RNF157: variants seen among roughly 807,000 people sequenced by gnomAD.
The protein encoded by RNF157 is E3 ubiquitin ligase RNF157.
RNF157 carries 55 observed loss-of-function variants against 88.3 expected under a neutral mutation model. The observed-to-expected ratio is 0.62, with a 90% CI of 0.50 to 0.78. RNF157 has a LOEUF of 0.78. Among genes scored for constraint, RNF157 ranks in the 30% least tolerant of loss-of-function variants. RNF157 has a pLI of 0.00. For missense variants in RNF157, 788 were observed against 860.8 expected (o/e 0.92, Z 1.06); for synonymous variants, 334 against 341.2 (o/e 0.98, Z 0.23).
intron 2 of RNF157, among the ~76,000 whole-genome samples, chr17:76,178,280 G>A (rs868109558): frequency 6.6e-6 from 1 of 152,216 alleles, no homozygotes; most frequent in African/African-American, 2.4e-5. Flanking sequence ...CCAAGCTTCC[G>A]GGTGCCACCA....
At chr17:76,174,073 T>C (rs1431934503) in intron 2 of RNF157, among the ~76,000 whole-genome samples, 1 of 147,366 alleles carries the variant, frequency 6.8e-6, no homozygotes, top group Admixed American at 6.7e-5. Flanking sequence ...GGAGAATTAA[T>C]AATAAAAAAA....
chr17:76,171,843 G>A (rs1290040211), intron 3 of RNF157, among the ~76,000 whole-genome samples: 1 of 152,224 alleles, frequency 6.6e-6, no homozygotes, highest in Non-Finnish European at 1.5e-5. Context: ...CATGACAGCT[G>A]CTTCATCCTA....
chr17:76,239,539 A>AC (rs571680941), intron 1 of RNF157, among the ~76,000 whole-genome samples: 1,371 of 72,138 alleles, frequency 0.019, 22 homozygotes, highest in African/African-American at 0.053. Flanking sequence ...CACCACCACC[A>AC]CCCCCCCCAC....
At chr17:76,184,274 A>G (rs967074809) in intron 2 of RNF157, among the ~76,000 whole-genome samples, 1 of 152,126 alleles carries the variant, frequency 6.6e-6, no homozygotes, top group Admixed American at 6.6e-5. Flanking sequence ...AATAATAATT[A>G]CTATAGAAAC....
chr17:76,238,151 T>C lies in RNF157; in HGVS notation c.88+2002A>G, dbSNP rs1030139066. On this transcript the variant is annotated intron_variant, in intron 1 of 18. Coordinates refer to ENST00000269391, the MANE Select transcript of RNF157 (RefSeq NM_052916.3). ...GGTCATGGCCAAACTCTGTCAACGG[T>C]TCCTTTCAGGACTAATACTGTAATC... Among the ~76,000 whole-genome samples the C allele has an allele frequency of 5.3e-5, 8 of 151,612 alleles. No homozygotes were observed. In the East Asian group the frequency reaches 1.5e-3, roughly 29 times the overall value.
Position 76,157,475 on chromosome 17 carries a change from C to T in RNF157, c.1413+918G>A, listed in dbSNP as rs2068785050. Among the ~76,000 whole-genome samples the T allele has an allele frequency of 6.6e-6, 1 of 152,222 alleles. No homozygotes were observed. Among genetic ancestry groups the T allele is most frequent in the African/African-American group, 2.4e-5 (1 of 41,464 alleles). On this transcript the variant is annotated intron_variant, in intron 13 of 18. Transcript: ENST00000269391. The surrounding 1 kb of genome is among the most constrained non-coding windows in gnomAD (Gnocchi z 5.6). ...ATGGATGTTTCTCTCACCTCTTTCT[C>T]CATGTCTAAAAAACTTCCAGGTTTA... is the stretch of plus-strand genomic sequence containing the variant.
chr17:76,164,713 C>T (rs1329093851), intron 8 of RNF157, 35 bp downstream of exon 8: 8 of 1,385,030 alleles, frequency 5.8e-6, no homozygotes, highest in Non-Finnish European at 8.1e-6. Context: ...AGGAAGGACC[C>T]TAATACTAAC....
chr17:76,182,778 TATATATATATGAGAG>T (rs1169889633), intron 2 of RNF157, among the ~76,000 whole-genome samples: 3 of 139,930 alleles, frequency 2.1e-5, no homozygotes, highest in Non-Finnish European at 1.5e-5. Flanking sequence ...TATATATATA[TATATATATATGAGAG>T]ATATATATAT....
Position 76,240,098 on chromosome 17 carries a change from A to C in RNF157, c.88+55T>G. ...GCCCCCTCAGGCCGTCCCGACCCAG[A>C]CCCCTGCCCCTGCCCCTCTCCCTCC... On this transcript the variant is annotated intron_variant, in intron 1 of 18. Coordinates refer to ENST00000269391, the MANE Select transcript of RNF157 (RefSeq NM_052916.3). The surrounding 1 kb of genome is among the most constrained non-coding windows in gnomAD (Gnocchi z 4.4). The C allele has an allele frequency of 9.0e-7, 1 of 1,109,546 alleles. No homozygotes were observed. Among genetic ancestry groups the C allele is most frequent in the Non-Finnish European group, 1.1e-6 (1 of 872,722 alleles). 68.7% of individuals were successfully genotyped at this position (1,109,546 alleles called of 1,614,324 possible).
At chr17:76,209,090 TATTG>T (rs1325899676) in intron 2 of RNF157, among the ~76,000 whole-genome samples, 3 of 152,034 alleles carry the variant, frequency 2.0e-5, no homozygotes, top group Non-Finnish European at 2.9e-5. Context: ...AAGTGGCATT[TATTG>T]ATTGATTGAT....
In RNF157 at chr17:76,240,326, G is replaced by T; in HGVS notation, c.-86C>A. 1 of 603,334 alleles carries T rather than the reference G, an allele frequency of 1.7e-6. No individual in the cohort carries two copies. Among genetic ancestry groups the T allele is most frequent in the Non-Finnish European group, 2.1e-6 (1 of 483,732 alleles). The allele number at this position is 603,334 out of a possible 1,614,324, so 37.4% of individuals were successfully genotyped here. A position where few individuals can be genotyped will look rare whatever the true frequency, so the allele number is the denominator to read the frequency against. On this transcript the variant is annotated 5_prime_UTR_variant, in exon 1 of 19. Transcript: ENST00000269391. The surrounding 1 kb of genome is among the most constrained non-coding windows in gnomAD (Gnocchi z 4.4). Reference sequence around the variant, plus strand: ...CGCGGCCGCCCGCCCCGCGCCCGGTGCGGGGGCCGACTGCCCGCCGCGGCC... The same window carrying T: ...CGCGGCCGCCCGCCCCGCGCCCGGTTCGGGGGCCGACTGCCCGCCGCGGCC...
chr17:76,212,429 G>A lies in RNF157; in HGVS notation c.142C>T (p.His48Tyr), dbSNP rs758626398. 3.7e-6 allele frequency: 6 copies of A among 1,613,876 alleles called. No individual in the cohort carries two copies. In the Admixed American group the frequency reaches 5.0e-5, roughly 13 times the overall value. Reference protein sequence around the residue: ...IMGGEKFDSTHPEGYLFGENS... With the variant: ...IMGGEKFDSTYPEGYLFGENS... ...TCTCCAAACAGGTAACCTTCAGGAT[G>A]AGTTGAGTCAAACTTCTCTCCTCCC... The change falls in exon 2 of 19, where the codon CAT (histidine) becomes TAT (tyrosine). Residue 48 changes from histidine (H) to tyrosine (Y), a missense_variant. His to Tyr is a moderately conservative substitution (Grantham distance 83). Coordinates refer to ENST00000269391, the MANE Select transcript of RNF157 (RefSeq NM_052916.3).
chr17:76,187,989 C>T (rs980686140), intron 2 of RNF157, among the ~76,000 whole-genome samples: 4 of 152,188 alleles, frequency 2.6e-5, no homozygotes, highest in African/African-American at 9.7e-5. Flanking sequence ...TAAGGTGGCA[C>T]TTGTTCCGTT....
At chr17:76,203,896 T>C (rs1482612394) in intron 2 of RNF157, among the ~76,000 whole-genome samples, 3 of 151,270 alleles carry the variant, frequency 2.0e-5, no homozygotes, top group East Asian at 1.9e-4. Flanking sequence ...GCCTCCTGAG[T>C]AGCTGGGACT....
chr17:76,151,281 G>GAA (rs2068671681), intron 18 of RNF157, among the ~76,000 whole-genome samples: 1 of 152,258 alleles, frequency 6.6e-6, no homozygotes, highest in Admixed American at 6.5e-5. Context: ...AAAGCCCTTT[G>GAA]AAGGGCTGGA....
At chr17:76,170,482 G>A (rs188735445) in intron 3 of RNF157, among the ~76,000 whole-genome samples, 7 of 152,192 alleles carry the variant, frequency 4.6e-5, no homozygotes, top group Non-Finnish European at 1.0e-4. Context: ...GCTGTGCCTG[G>A]GTCTCTCTTG....
chr17:76,212,602 C>T, intron 1 of RNF157, 120 bp from the exon 2 acceptor site: 1 of 633,486 alleles, frequency 1.6e-6, no homozygotes, highest in Non-Finnish European at 2.7e-6. Flanking sequence ...TGGCTCACAC[C>T]TGTAATCCCA....
chr17:76,210,114 T>C (rs944424437), intron 2 of RNF157, among the ~76,000 whole-genome samples: 25 of 152,150 alleles, frequency 1.6e-4, no homozygotes, highest in African/African-American at 6.0e-4. Flanking sequence ...AACATTTTTA[T>C]CTGGCTCTAT....
At position 76,168,944 on chromosome 17, in the gene RNF157, A is replaced by G. The variant is rs2068970502; in HGVS notation, c.297-1147T>C. Among the ~76,000 whole-genome samples, 8 of 152,302 alleles carry G rather than the reference A, an allele frequency of 5.3e-5. 1 individual carries two copies. Among genetic ancestry groups the G allele is most frequent in the Admixed American group, 3.9e-4 (6 of 15,298 alleles). On this transcript the variant is annotated intron_variant, in intron 3 of 18. Coordinates refer to ENST00000269391, the MANE Select transcript of RNF157 (RefSeq NM_052916.3). ...CCAGCGTTGCTCCCAAGAAGTCTGA[A>G]GTCGTTCCAACTGTTGATCCTTCTT... is the stretch of plus-strand genomic sequence containing the variant.
Sources: gnomAD v4.1 joint callset for allele counts (sites outside exome capture counted in the v4.1 genomes callset) on GRCh38, gnomAD v4.1.1 for gene constraint, Gnocchi (gnomAD v3.1) non-coding constraint, MANE v1.5 for transcripts, NCBI Gene and HGNC (gene_info 2026-07-23, HGNC 2026-07-21) for gene names.